PSMA1: variants seen among roughly 807,000 people sequenced by gnomAD.
PSMA1 encodes the protein proteasome subunit alpha type-1.
PSMA1 carries 3 observed loss-of-function variants against 38.4 expected under a neutral mutation model. That is an observed-to-expected ratio of 0.08 (90% CI 0.04 to 0.20). The LOEUF (loss-of-function observed/expected upper bound fraction) is 0.20, where lower values mean the gene tolerates loss of function less well. Among genes scored for constraint, PSMA1 ranks in the 10% least tolerant of loss-of-function variants. The pLI, the probability that PSMA1 is intolerant of heterozygous loss-of-function variation, is 1.00. For synonymous variants in PSMA1, 101 were observed against 107.1 expected (o/e 0.94, Z 0.35); for missense variants, 227 against 325.3 (o/e 0.70, Z 2.32).
At chr11:14,615,602 G>A (rs1199457129) in intron 1 of PSMA1, among the ~76,000 whole-genome samples, 1 of 152,184 alleles carries the variant, frequency 6.6e-6, no homozygotes, top group Non-Finnish European at 1.5e-5. Flanking sequence ...AGGTGTAGGA[G>A]CAATTTTCAC....
chr11:14,507,996 T>C (rs1394159976), intron 8 of PSMA1, among the ~76,000 whole-genome samples: 7 of 152,230 alleles, frequency 4.6e-5, no homozygotes, highest in Non-Finnish European at 1.0e-4. Flanking sequence ...CAAAGATCTA[T>C]GTTATCTAGA....
At chr11:14,622,756 C>T (rs1476094819) in intron 1 of PSMA1, among the ~76,000 whole-genome samples, 1 of 152,148 alleles carries the variant, frequency 6.6e-6, no homozygotes, top group Admixed American at 6.5e-5. Context: ...GTGAAGAGGT[C>T]CAGGCTGCAC....
chr11:14,516,890 C>T (rs562579660), intron 4 of PSMA1, among the ~76,000 whole-genome samples: 4 of 152,148 alleles, frequency 2.6e-5, no homozygotes, highest in African/African-American at 9.7e-5. Context: ...CACACCACTG[C>T]ACTCCAGCCT....
In PSMA1 at chr11:14,596,913, C is replaced by T. The variant is rs866142243; in HGVS notation, c.21+14053G>A. The stretch of plus-strand genomic sequence containing the variant: ...AAATAGCTCTTATTATTTTGAAATA[C>T]GTTCCATCAATACCTAGTTTATTGA... On this transcript the variant is annotated intron_variant, in intron 2 of 10. Transcript: ENST00000418988. 3.9e-5 allele frequency among the ~76,000 whole-genome samples: 6 copies of T among 152,134 alleles called. No homozygotes were observed. The South Asian group carries it at 8.3e-4, about 21-fold the overall frequency.
At chr11:14,589,815 T>C (rs879775049) in intron 2 of PSMA1, among the ~76,000 whole-genome samples, 1 of 152,102 alleles carries the variant, frequency 6.6e-6, no homozygotes, top group African/African-American at 2.4e-5. Context: ...CAGATTAGCA[T>C]CCAAGATGAA....
intron 1 of PSMA1, among the ~76,000 whole-genome samples, chr11:14,622,079 T>C (rs1261871896): frequency 3.3e-5 from 5 of 152,220 alleles, no homozygotes; most frequent in Admixed American, 1.3e-4. Flanking sequence ...CTAGATGCTC[T>C]AGACAGAAAA....
intron 4 of PSMA1, among the ~76,000 whole-genome samples, chr11:14,516,820 G>A (rs1481059106): frequency 1.3e-5 from 2 of 152,154 alleles, no homozygotes; most frequent in Non-Finnish European, 2.9e-5. Flanking sequence ...CAGCTACTCG[G>A]GAGGCTGAGG....
At chr11:14,515,607 G>C (rs1851412779) in intron 4 of PSMA1, among the ~76,000 whole-genome samples, 1 of 150,768 alleles carries the variant, frequency 6.6e-6, no homozygotes, top group African/African-American at 2.4e-5. Context: ...AGGCTGGAGT[G>C]CAATGGCATG....
chr11:14,588,621 T>C (rs1048632385), intron 2 of PSMA1, among the ~76,000 whole-genome samples: 1 of 152,232 alleles, frequency 6.6e-6, no homozygotes, highest in Non-Finnish European at 1.5e-5. Flanking sequence ...AGAGTGTTCA[T>C]TAAAATTGGC....
intron 2 of PSMA1, among the ~76,000 whole-genome samples, chr11:14,537,401 T>C (rs1427902255): frequency 1.3e-5 from 2 of 152,334 alleles, no homozygotes; most frequent in South Asian, 2.1e-4. Flanking sequence ...TTTCCTTTAA[T>C]TGTTAAGAAT....
In PSMA1 at chr11:14,553,967, C is replaced by T. The variant is rs937038384; in HGVS notation, c.22-34926G>A. 5.3e-5 allele frequency among the ~76,000 whole-genome samples: 8 copies of T among 152,282 alleles called. 1 individual carries two copies. The Middle Eastern group carries it at 0.01, about 194-fold the overall frequency. On this transcript the variant is annotated intron_variant, in intron 2 of 10. Transcript: ENST00000418988. ...TATATGAGAGAGTCAGTTTTCTCCA[C>T]AGGCATTTAGTATTGTCATTATTTT... is the stretch of plus-strand genomic sequence containing the variant.
In PSMA1 at chr11:14,534,497, A is replaced by AT. The variant is rs1851682071; in HGVS notation, c.22-15457dup. Among the ~76,000 whole-genome samples the AT allele has an allele frequency of 6.6e-6, 1 of 151,946 alleles. No individual in the cohort carries two copies. Among genetic ancestry groups the AT allele is most frequent in the Non-Finnish European group, 1.5e-5 (1 of 67,980 alleles). On this transcript the variant is annotated intron_variant, in intron 2 of 10. Transcript: ENST00000418988. This position sits in a 1 kb window ranked among gnomAD's most constrained non-coding sequence, Gnocchi z 4.5. ...AATTTTAATTTTAATTTATTTGTTT[A>AT]TTTTTAGGACAGGCTTTTGCTCTGT...
rs115240762 is a variant in PSMA1, at chr11:14,603,105, C to T, written c.21+7861G>A. ...ATTTGCCACAGCTAGAGGTAACCAA[C>T]GCAAAATTACATTGGTGCCAGTCAG... On this transcript the variant is annotated intron_variant, in intron 2 of 10. Coordinates refer to the PSMA1 transcript ENST00000418988. Among the ~76,000 whole-genome samples the T allele has an allele frequency of 4.4e-3, 665 of 152,310 alleles. 3 individuals are homozygous for T. Among genetic ancestry groups the T allele is most frequent in the African/African-American group, 0.014 (598 of 41,568 alleles).
At chr11:14,553,940 G>A (rs545021732) in intron 2 of PSMA1, among the ~76,000 whole-genome samples, 7 of 152,214 alleles carry the variant, frequency 4.6e-5, no homozygotes, top group Non-Finnish European at 8.8e-5. Flanking sequence ...TACCACCAGC[G>A]ATATATGAGA....
intron 2 of PSMA1, among the ~76,000 whole-genome samples, chr11:14,559,054 T>C (rs1167120119): frequency 6.6e-6 from 1 of 152,150 alleles, no homozygotes; most frequent in Non-Finnish European, 1.5e-5. Flanking sequence ...GTCCTTAATA[T>C]CACATTTAAT....
chr11:14,549,871 C>T (rs564149688), intron 2 of PSMA1, among the ~76,000 whole-genome samples: 2 of 152,314 alleles, frequency 1.3e-5, no homozygotes, highest in Non-Finnish European at 2.9e-5. Context: ...TGCCCTGCTG[C>T]TCCAATGGCA....
chr11:14,616,231 GTTTTTTTTT>G (rs34292683), intron 1 of PSMA1, among the ~76,000 whole-genome samples: 1 of 126,686 alleles, frequency 7.9e-6, no homozygotes, highest in Admixed American at 8.3e-5. Context: ...GATCCCAACA[GTTTTTTTTT>G]TTTTTTTTTT....
chr11:14,514,038 C>T, intron 5 of PSMA1, 151 bp from the exon 6 acceptor site: 1 of 1,336,282 alleles, frequency 7.5e-7, no homozygotes, highest in African/African-American at 1.5e-5. Context: ...TTTCTTTGGC[C>T]TAATATAAAA....
At chr11:14,541,611 T>C (rs1851773790) in intron 2 of PSMA1, among the ~76,000 whole-genome samples, 1 of 152,206 alleles carries the variant, frequency 6.6e-6, no homozygotes. Context: ...CCCACACTCT[T>C]TTCCCCCACA....
Sources: gnomAD v4.1 joint callset for allele counts (sites outside exome capture counted in the v4.1 genomes callset) on GRCh38, gnomAD v4.1.1 for gene constraint, Gnocchi (gnomAD v3.1) non-coding constraint, MANE v1.5 for transcripts, NCBI Gene and HGNC (gene_info 2026-07-23, HGNC 2026-07-21) for gene names.